KIAA0319L: variants seen among roughly 807,000 people sequenced by gnomAD.
KIAA0319L encodes the protein KIAA0319 like.
In KIAA0319L, 55 loss-of-function variants were observed where a neutral mutation model predicts 120.1. The observed-to-expected ratio is 0.46, with a 90% CI of 0.37 to 0.57. The LOEUF (loss-of-function observed/expected upper bound fraction) is 0.57. Among genes scored for constraint, KIAA0319L ranks in the 20% least tolerant of loss-of-function variants. The pLI is 0.00. For missense variants in KIAA0319L, 1,049 were observed against 1,255.3 expected (o/e 0.84, Z 2.48); for synonymous variants, 398 against 471.9 (o/e 0.84, Z 2.03).
At chr1:35,477,595 A>G (rs949502151) in intron 4 of KIAA0319L, among the ~76,000 whole-genome samples, 3 of 144,492 alleles carry the variant, frequency 2.1e-5, no homozygotes, top group African/African-American at 7.7e-5. Context: ...TGAACCCAGG[A>G]GGCGCAGCTT....
chr1:35,489,823 T>C (rs1644525651), intron 3 of KIAA0319L, among the ~76,000 whole-genome samples: 2 of 151,902 alleles, frequency 1.3e-5, no homozygotes, highest in South Asian at 4.2e-4. Flanking sequence ...CCTGCCACTG[T>C]GCCCGGCTAA....
intron 2 of KIAA0319L, among the ~76,000 whole-genome samples, chr1:35,507,385 C>T (rs560034222): frequency 1.8e-4 from 28 of 152,138 alleles, no homozygotes; most frequent in African/African-American, 6.7e-4. Context: ...GCCATGGAGA[C>T]CTTTTACACA....
At chr1:35,520,457 A>G (rs529164737) in intron 2 of KIAA0319L, among the ~76,000 whole-genome samples, 5 of 151,894 alleles carry the variant, frequency 3.3e-5, no homozygotes, top group Non-Finnish European at 7.4e-5. Context: ...GCAGTGGTGC[A>G]ATCATAGCTC....
intron 2 of KIAA0319L, among the ~76,000 whole-genome samples, chr1:35,523,588 T>C (rs1420967329): frequency 6.6e-6 from 1 of 152,146 alleles, no homozygotes; most frequent in Admixed American, 6.5e-5. Context: ...GGGTGGTAAA[T>C]GACGGTTGGT....
chr1:35,552,888 AT>A (rs1164503871), intron 2 of KIAA0319L, among the ~76,000 whole-genome samples: 3 of 152,174 alleles, frequency 2.0e-5, no homozygotes. Flanking sequence ...TGTGGCCAAC[AT>A]GGCAAAACTC....
chr1:35,494,734 C>T (rs1289876933), intron 3 of KIAA0319L, among the ~76,000 whole-genome samples: 2 of 151,994 alleles, frequency 1.3e-5, no homozygotes, highest in African/African-American at 4.8e-5. Context: ...TCACCTGAGC[C>T]CGGAAGGTCA....
intron 2 of KIAA0319L, among the ~76,000 whole-genome samples, chr1:35,524,636 G>A (rs1401062060): frequency 2.0e-5 from 3 of 152,174 alleles, no homozygotes; most frequent in Non-Finnish European, 4.4e-5. Context: ...TGACAAACTG[G>A]ATCCTTTGCC....
intron 20 of KIAA0319L, among the ~76,000 whole-genome samples, chr1:35,436,068 C>T (rs1207655015): frequency 6.6e-6 from 1 of 151,728 alleles, no homozygotes; most frequent in Non-Finnish European, 1.5e-5. Flanking sequence ...GGAGAGCCCT[C>T]TCCAGCACCA....
intron 10 of KIAA0319L, chr1:35,454,723 G>C (rs995024089): frequency 1.0e-6 from 1 of 978,992 alleles, no homozygotes; most frequent in Non-Finnish European, 1.4e-6. Context: ...TTCAAATAAA[G>C]CCAGAACTCT....
chr1:35,503,995 C>T (rs1281638551), intron 3 of KIAA0319L, among the ~76,000 whole-genome samples: 1 of 150,648 alleles, frequency 6.6e-6, no homozygotes, highest in Non-Finnish European at 1.5e-5. Context: ...AAGCGATTCT[C>T]ATGCCTCAGC....
At chr1:35,466,336 T>A (rs977094264) in intron 7 of KIAA0319L, among the ~76,000 whole-genome samples, 3 of 152,160 alleles carry the variant, frequency 2.0e-5, no homozygotes, top group African/African-American at 7.2e-5. Context: ...CCTCTCAGCA[T>A]GGCCCACTTG....
chr1:35,526,988 G>A (rs1646173319), intron 2 of KIAA0319L, among the ~76,000 whole-genome samples: 1 of 152,176 alleles, frequency 6.6e-6, no homozygotes, highest in Non-Finnish European at 1.5e-5. Flanking sequence ...TGAGGTGGGA[G>A]AACTGCTTAA....
intron 6 of KIAA0319L, among the ~76,000 whole-genome samples, chr1:35,468,152 TTTC>T (rs1476031397): frequency 3.3e-5 from 5 of 152,138 alleles, no homozygotes; most frequent in African/African-American, 9.6e-5. Context: ...TGTTTTTTTT[TTTC>T]TTTCTTTCTT....
chr1:35,503,883 TTTTC>T (rs1326123430), intron 3 of KIAA0319L, among the ~76,000 whole-genome samples: 1 of 151,140 alleles, frequency 6.6e-6, no homozygotes, highest in Non-Finnish European at 1.5e-5. Context: ...TCCCTTGTGA[TTTTC>T]TTTTTTTTTT....
At chr1:35,466,511 A>T (rs1201351840) in intron 7 of KIAA0319L, 97 bp downstream of exon 7, 33 of 763,174 alleles carry the variant, frequency 4.3e-5, no homozygotes, top group Admixed American at 7.5e-5. Context: ...AATACATTAC[A>T]AAAAAAATGA....
chr1:35,509,141 C>T (rs969499852), intron 2 of KIAA0319L, among the ~76,000 whole-genome samples: 1 of 152,024 alleles, frequency 6.6e-6, no homozygotes, highest in South Asian at 2.1e-4. Flanking sequence ...GCAAGCATAA[C>T]AGGGCAGTTG....
chr1:35,444,402 GC>G, intron 16 of KIAA0319L, 99 bp from the exon 17 acceptor site: 1 of 1,194,770 alleles, frequency 8.4e-7, no homozygotes, highest in Non-Finnish European at 1.1e-6. Context: ...CAGACACTGT[GC>G]TAAGTGTTAC....
intron 2 of KIAA0319L, among the ~76,000 whole-genome samples, chr1:35,532,341 GT>G (rs1646403216): frequency 6.6e-6 from 1 of 151,682 alleles, no homozygotes; most frequent in Non-Finnish European, 1.5e-5. Flanking sequence ...GTTATTTAAT[GT>G]TGTTACATCA....
chr1:35,494,366 T>C (rs892734590), intron 3 of KIAA0319L, among the ~76,000 whole-genome samples: 3 of 151,858 alleles, frequency 2.0e-5, no homozygotes, highest in Non-Finnish European at 4.4e-5. Flanking sequence ...GGAGAATCAC[T>C]TGAACCCGGG....
Sources: gnomAD v4.1 joint callset for allele counts (sites outside exome capture counted in the v4.1 genomes callset) on GRCh38, gnomAD v4.1.1 for gene constraint, MANE v1.5 for transcripts, NCBI Gene and HGNC (gene_info 2026-07-23, HGNC 2026-07-21) for gene names.